Variants in TOP6BL observed in about 807,000 individuals in gnomAD.
TOP6BL encodes the protein TOP6B like initiator of meiotic double strand breaks, also known as type 2 DNA topoisomerase 6 subunit B-like.
At chr11:66,816,982 C>T in the TOP6BL span, among the ~76,000 whole-genome samples, 1 of 151,978 alleles carries the variant, frequency 6.6e-6, no homozygotes, top group African/African-American at 2.4e-5. Context: ...GGCGAAACCC[C>T]ATCTCTACTA....
At chr11:66,794,112 T>TAAA in the TOP6BL span, among the ~76,000 whole-genome samples, 1 of 110,518 alleles carries the variant, frequency 9.0e-6, no homozygotes. Flanking sequence ...ACCCTGTTTC[T>TAAA]AAAAAAAAAA....
the TOP6BL span, among the ~76,000 whole-genome samples, chr11:66,792,827 A>G: frequency 1.3e-5 from 2 of 152,198 alleles, no homozygotes; most frequent in Admixed American, 6.5e-5. Context: ...AGCCCTCTCT[A>G]TGATACGCCC....
the TOP6BL span, among the ~76,000 whole-genome samples, chr11:66,786,298 A>T: frequency 1.6e-5 from 2 of 127,872 alleles, no homozygotes; most frequent in African/African-American, 3.5e-5. Context: ...ACTCTGTCTT[A>T]AAAAAAAAAA....
chr11:66,815,807 TG>T, the TOP6BL span: 7 of 380,918 alleles, frequency 1.8e-5, no homozygotes, highest in South Asian at 6.2e-5. Context: ...TTCTCAGTAA[TG>T]TAAAGGAGTG....
At chr11:66,762,304 A>G in the TOP6BL span, 3 of 425,414 alleles carry the variant, frequency 7.1e-6, no homozygotes, top group Admixed American at 4.2e-5. Context: ...GGCGCCGGCC[A>G]GGAGCTGCCG....
chr11:66,820,731 T>G, the TOP6BL span, among the ~76,000 whole-genome samples: 1 of 152,254 alleles, frequency 6.6e-6, no homozygotes, highest in African/African-American at 2.4e-5. Flanking sequence ...TGCTTCTCCC[T>G]TTCTCCTCTC....
At chr11:66,821,102 T>C in the TOP6BL span, among the ~76,000 whole-genome samples, 1 of 152,154 alleles carries the variant, frequency 6.6e-6, no homozygotes, top group Non-Finnish European at 1.5e-5. Flanking sequence ...TGAACATTTC[T>C]AAAGAACTCG....
chr11:66,815,326 T>C, the TOP6BL span, among the ~76,000 whole-genome samples: 58 of 152,308 alleles, frequency 3.8e-4, no homozygotes, highest in Non-Finnish European at 7.9e-4. Context: ...CCCTCCCTTA[T>C]TACTCTAAAG....
the TOP6BL span, among the ~76,000 whole-genome samples, chr11:66,787,676 C>T: frequency 9.4e-5 from 14 of 149,546 alleles, no homozygotes; most frequent in East Asian, 3.9e-4. Context: ...GCCGAGATAG[C>T]GCCATTGCAC....
the TOP6BL span, chr11:66,821,540 G>C: frequency 7.5e-7 from 1 of 1,327,882 alleles, no homozygotes. Flanking sequence ...CTCCCAAAGT[G>C]CTGGGATTAC....
At chr11:66,834,325 C>T in the TOP6BL span, among the ~76,000 whole-genome samples, 1 of 152,122 alleles carries the variant, frequency 6.6e-6, no homozygotes, top group South Asian at 2.1e-4. Context: ...GTTGCAAGCC[C>T]AGGGCAGATG....
At chr11:66,751,271 T>C in the TOP6BL span, among the ~76,000 whole-genome samples, 2 of 152,158 alleles carry the variant, frequency 1.3e-5, no homozygotes, top group African/African-American at 4.8e-5. Context: ...CTCGGCTGGC[T>C]GCAACCTCTG....
chr11:66,744,913 G>A, the TOP6BL span: 1 of 1,261,260 alleles, frequency 7.9e-7, no homozygotes, highest in Non-Finnish European at 1.0e-6. Context: ...CCGTGGCCGT[G>A]TTCGAGGTGA....
chr11:66,827,052 G>T, the TOP6BL span, among the ~76,000 whole-genome samples: 128 of 149,288 alleles, frequency 8.6e-4, no homozygotes, highest in African/African-American at 3.0e-3. Flanking sequence ...CGCGATCTCG[G>T]CTCACCACAA....
the TOP6BL span, among the ~76,000 whole-genome samples, chr11:66,816,908 C>T: frequency 6.6e-6 from 1 of 152,024 alleles, no homozygotes; most frequent in South Asian, 2.1e-4. Flanking sequence ...AATCTCAGCA[C>T]TTTGGGAGGT....
chr11:66,751,984 T>A, the TOP6BL span, among the ~76,000 whole-genome samples: 1 of 152,194 alleles, frequency 6.6e-6, no homozygotes, highest in South Asian at 2.1e-4. Context: ...CCTGAAAAAC[T>A]CTTTTCCAGT....
chr11:66,828,207 C>A, the TOP6BL span: 1 of 1,226,296 alleles, frequency 8.2e-7, no homozygotes, highest in Non-Finnish European at 1.2e-6. Flanking sequence ...TCTGTGAGAA[C>A]TTTCCCCCTT....
chr11:66,831,446 A>G, the TOP6BL span, among the ~76,000 whole-genome samples: 1 of 152,254 alleles, frequency 6.6e-6, no homozygotes, highest in East Asian at 1.9e-4. Context: ...TGATACACAC[A>G]GTGACATGGA....
At chr11:66,781,171 G>C in the TOP6BL span, among the ~76,000 whole-genome samples, 2 of 151,498 alleles carry the variant, frequency 1.3e-5, no homozygotes, top group African/African-American at 4.9e-5. Flanking sequence ...CCTCCTTCTG[G>C]GACTCCCATT....
Sources: gnomAD v4.1 joint callset for allele counts (sites outside exome capture counted in the v4.1 genomes callset) on GRCh38, gnomAD v4.1.1 for gene constraint, MANE v1.5 for transcripts, NCBI Gene and HGNC (gene_info 2026-07-23, HGNC 2026-07-21) for gene names.